The following PDGFC variants were observed in gnomAD, a reference collection of about 807,000 sequenced individuals.
PDGFC encodes the protein platelet-derived growth factor C.
PDGFC carries 12 observed loss-of-function variants against 35.5 expected under a neutral mutation model. That is an observed-to-expected ratio of 0.34 (90% CI 0.22 to 0.55). PDGFC has a LOEUF of 0.55. Ranked by LOEUF, PDGFC falls within the 20% of genes least tolerant of loss-of-function variation. The pLI is 0.91. For missense variants in PDGFC, 322 were observed against 412.4 expected (o/e 0.78, Z 1.90); for synonymous variants, 159 against 148.8 (o/e 1.07, Z -0.50).
chr4:156,921,082 A>T (rs914030698), intron 1 of PDGFC, among the ~76,000 whole-genome samples: 1 of 152,268 alleles, frequency 6.6e-6, no homozygotes, highest in Middle Eastern at 3.4e-3. Context: ...TCTATAAAGG[A>T]GCAGTCAAAA....
In PDGFC at chr4:156,767,844, A is replaced by T; in HGVS notation, c.850T>A (p.Cys284Ser). The T allele has an allele frequency of 1.2e-6, 2 of 1,613,472 alleles. No homozygotes were observed. The highest frequency in any genetic ancestry group is 1.7e-6 in the Non-Finnish European group (2 of 1,179,506). Residue 284 changes from cysteine to serine, a missense_variant, in exon 5 of 6, where the codon TGT becomes AGT. Physicochemically the swap from Cys to Ser is moderately radical, Grantham distance 112 (BLOSUM62 -1). Around this residue, in one of 2 missense-constraint regions of PDGFC, gnomAD observed 202 missense variants for 295.9 expected, o/e 0.68. Coordinates refer to ENST00000502773, the MANE Select transcript of PDGFC (RefSeq NM_016205.3). ...CLLVKRCGGN[C>S]ACCLHNCNEC... ...TTGCAATTGTGGAGACAACAGGCACAGTTCCCACCACAGCGTTTAACCAGG... is the reference window on the plus strand; with the variant it reads ...TTGCAATTGTGGAGACAACAGGCACTGTTCCCACCACAGCGTTTAACCAGG...
chr4:156,910,595 CTTT>C (rs1731015705), intron 1 of PDGFC, among the ~76,000 whole-genome samples: 1 of 152,018 alleles, frequency 6.6e-6, no homozygotes, highest in Non-Finnish European at 1.5e-5. Context: ...TGCATATTGA[CTTT>C]TATTAAAAAA....
chr4:156,949,810 C>G (rs1249312650), intron 1 of PDGFC, among the ~76,000 whole-genome samples: 1 of 151,942 alleles, frequency 6.6e-6, no homozygotes, highest in Non-Finnish European at 1.5e-5. Flanking sequence ...TCCCCTTCCC[C>G]TACGTCCCCT....
chr4:156,826,295 C>T (rs1165080136), intron 2 of PDGFC, among the ~76,000 whole-genome samples: 1 of 135,050 alleles, frequency 7.4e-6, no homozygotes, highest in African/African-American at 2.8e-5. Flanking sequence ...CGGGTTCAAG[C>T]GATTCTCCTG....
intron 1 of PDGFC, among the ~76,000 whole-genome samples, chr4:156,945,525 G>T (rs1394410897): frequency 6.6e-6 from 1 of 151,386 alleles, no homozygotes; most frequent in Non-Finnish European, 1.5e-5. Context: ...AGCAACTACT[G>T]TCTCTTTTCC....
chr4:156,847,530 G>A (rs1002049735), intron 2 of PDGFC, among the ~76,000 whole-genome samples: 7 of 151,766 alleles, frequency 4.6e-5, no homozygotes, highest in African/African-American at 1.4e-4. Flanking sequence ...AATGCAATGA[G>A]TTTAATCTGA....
At chr4:156,905,954 T>C (rs1730905796) in intron 1 of PDGFC, among the ~76,000 whole-genome samples, 1 of 152,126 alleles carries the variant, frequency 6.6e-6, no homozygotes. Context: ...TTATGTAAAG[T>C]GTCAGTGACC....
At chr4:156,893,185 T>C (rs570079985) in intron 1 of PDGFC, among the ~76,000 whole-genome samples, 1 of 152,272 alleles carries the variant, frequency 6.6e-6, no homozygotes, top group Non-Finnish European at 1.5e-5. Flanking sequence ...AAAAGGAAGG[T>C]TAAGGTATGA....
intron 2 of PDGFC, among the ~76,000 whole-genome samples, chr4:156,826,236 A>G (rs1197158977): frequency 8.9e-6 from 1 of 112,078 alleles, no homozygotes; most frequent in Non-Finnish European, 1.7e-5. Flanking sequence ...CTCGTTGCCC[A>G]GGCTGGAGTG....
intron 1 of PDGFC, among the ~76,000 whole-genome samples, chr4:156,889,200 T>C (rs767580779): frequency 7.2e-5 from 11 of 152,198 alleles, no homozygotes; most frequent in Non-Finnish European, 1.2e-4. Context: ...ATGCACATTA[T>C]TATTTTTTTC....
At chr4:156,953,870 T>C (rs1201142694) in intron 1 of PDGFC, among the ~76,000 whole-genome samples, 1 of 151,994 alleles carries the variant, frequency 6.6e-6, no homozygotes, top group Non-Finnish European at 1.5e-5. Flanking sequence ...ATGGCCTGGA[T>C]ACATTACATA....
chr4:156,842,182 T>C (rs182632055), intron 2 of PDGFC: 47 of 152,332 alleles, frequency 3.1e-4, no homozygotes, highest in African/African-American at 1.1e-3. Context: ...TTGGTCATTT[T>C]GTTTCTCCCA....
At chr4:156,840,765 G>A (rs925156753) in intron 2 of PDGFC, among the ~76,000 whole-genome samples, 6 of 152,194 alleles carry the variant, frequency 3.9e-5, no homozygotes, top group African/African-American at 1.4e-4. Flanking sequence ...AAGGCCATGC[G>A]AGTTCACGTC....
At chr4:156,821,715 A>T (rs1393362108) in intron 2 of PDGFC, among the ~76,000 whole-genome samples, 1 of 151,852 alleles carries the variant, frequency 6.6e-6, no homozygotes, top group Non-Finnish European at 1.5e-5. Flanking sequence ...GGCCTGGCTA[A>T]TTTTTTGTAT....
intron 2 of PDGFC, among the ~76,000 whole-genome samples, chr4:156,829,818 T>A (rs906271188): frequency 6.6e-5 from 10 of 152,166 alleles, no homozygotes; most frequent in Non-Finnish European, 1.3e-4. Context: ...TCTACCCATT[T>A]ATTTCACTGA....
chr4:156,810,764 T>A, intron 3 of PDGFC, 73 bp downstream of exon 3: 1 of 940,496 alleles, frequency 1.1e-6, no homozygotes, highest in Non-Finnish European at 1.6e-6. Context: ...GATTCTCATG[T>A]GTAAGAGGAG....
chr4:156,771,167 C>G (rs1730682982), intron 4 of PDGFC, among the ~76,000 whole-genome samples: 1 of 152,278 alleles, frequency 6.6e-6, no homozygotes, highest in East Asian at 1.9e-4. Flanking sequence ...GCTTCCGATG[C>G]TTTTGAATGC....
At chr4:156,850,003 G>A (rs1729414705) in intron 2 of PDGFC, among the ~76,000 whole-genome samples, 1 of 151,908 alleles carries the variant, frequency 6.6e-6, no homozygotes, top group South Asian at 2.1e-4. Flanking sequence ...AATAATTTTA[G>A]AAGTAGGTAG....
In PDGFC at chr4:156,762,784, C is replaced by G. The variant is rs1394089177; in HGVS notation, c.*306G>C. 1 of 231,164 alleles carries G rather than the reference C, an allele frequency of 4.3e-6. No homozygotes were observed. Among genetic ancestry groups the G allele is most frequent in the Non-Finnish European group, 8.5e-6 (1 of 117,344 alleles). 14.3% of individuals were successfully genotyped at this position (231,164 alleles called of 1,614,324 possible). On this transcript the variant is annotated 3_prime_UTR_variant, in exon 6 of 6. Transcript: ENST00000502773. ...ATCGAAAGAACTGAAATACAGAACC[C>G]AGCTAGTGGAATACGTACATGGTAA...
Sources: allele counts gnomAD v4.1 joint callset (sites outside exome capture counted in the v4.1 genomes callset), GRCh38; gene constraint gnomAD v4.1.1; regional missense constraint gnomAD v4.1.1; transcripts MANE v1.5; gene names NCBI Gene and HGNC (gene_info 2026-07-23, HGNC 2026-07-21).